The following SRRM4 variants were observed in gnomAD, a reference collection of about 807,000 sequenced individuals.
SRRM4 encodes serine/arginine repetitive matrix 4.
In SRRM4, 33 loss-of-function variants were observed where a neutral mutation model predicts 68.9. The ratio of observed to expected loss-of-function variants is 0.48; its 90% confidence interval spans 0.36 to 0.64. SRRM4 has a LOEUF of 0.64. SRRM4 is among the 30% of genes least tolerant of loss of function. The pLI is 0.00. For missense variants in SRRM4, 817 were observed against 827.1 expected (o/e 0.99, Z 0.15); for synonymous variants, 318 against 318.8 (o/e 1.00, Z 0.03).
rs1025970393 is a variant in SRRM4, at chr12:119,099,827, C to T, written c.132-2409C>T. 3.3e-5 allele frequency among the ~76,000 whole-genome samples: 5 copies of T among 152,268 alleles called. No homozygotes were observed. In the South Asian group the frequency reaches 1.0e-3, roughly 32 times the overall value. Reference sequence around the variant, plus strand: ...CTCTCCATATGGCTGCTTGAGTGTCCTCACAACATGGCTACCACCAGAATC... The same window carrying T: ...CTCTCCATATGGCTGCTTGAGTGTCTTCACAACATGGCTACCACCAGAATC... On this transcript the variant is annotated intron_variant, in intron 1 of 12. Transcript: ENST00000267260.
chr12:119,035,043 T>C (rs1451785330), intron 1 of SRRM4, among the ~76,000 whole-genome samples: 5 of 152,224 alleles, frequency 3.3e-5, no homozygotes, highest in African/African-American at 1.2e-4. Flanking sequence ...ATATGAACTA[T>C]ACAATCCTTT....
At chr12:119,084,306 T>G (rs1013292452) in intron 1 of SRRM4, among the ~76,000 whole-genome samples, 1 of 152,146 alleles carries the variant, frequency 6.6e-6, no homozygotes, top group Non-Finnish European at 1.5e-5. Flanking sequence ...AGGAGCTACC[T>G]CTTCTGGAAG....
intron 1 of SRRM4, among the ~76,000 whole-genome samples, chr12:119,076,707 C>T (rs1313397937): frequency 6.6e-6 from 1 of 152,192 alleles, no homozygotes; most frequent in Non-Finnish European, 1.5e-5. Context: ...TGCAAGAGTA[C>T]AGCTGGCGCT....
intron 1 of SRRM4, among the ~76,000 whole-genome samples, chr12:119,029,840 G>A (rs775683088): frequency 1.3e-5 from 2 of 152,180 alleles, no homozygotes; most frequent in African/African-American, 4.8e-5. Context: ...ACATGGCAGG[G>A]TCAGAGACAC....
intron 1 of SRRM4, among the ~76,000 whole-genome samples, chr12:118,983,599 G>A (rs1273183864): frequency 1.3e-5 from 2 of 152,138 alleles, no homozygotes; most frequent in African/African-American, 4.8e-5. Flanking sequence ...CCTTGTAGAA[G>A]GAACTAGAGG....
chr12:119,064,360 A>C (rs1435002608), intron 1 of SRRM4, among the ~76,000 whole-genome samples: 2 of 152,250 alleles, frequency 1.3e-5, no homozygotes, highest in Admixed American at 6.5e-5. Flanking sequence ...AAAGGAATGA[A>C]GTTGACACAC....
intron 2 of SRRM4, among the ~76,000 whole-genome samples, chr12:119,110,461 C>G (rs1401431119): frequency 1.3e-5 from 2 of 152,228 alleles, no homozygotes; most frequent in African/African-American, 4.8e-5. Flanking sequence ...CCTTGAGCTG[C>G]AGTAGGCTCC....
At chr12:119,048,832 G>A (rs141963065) in intron 1 of SRRM4, among the ~76,000 whole-genome samples, 4 of 152,170 alleles carry the variant, frequency 2.6e-5, no homozygotes, top group Non-Finnish European at 4.4e-5. Flanking sequence ...GCTGAGGCAG[G>A]AGAATCACTT....
At chr12:119,046,802 G>A (rs1374476293) in intron 1 of SRRM4, among the ~76,000 whole-genome samples, 5 of 152,216 alleles carry the variant, frequency 3.3e-5, no homozygotes, top group African/African-American at 1.2e-4. Context: ...TATTTCACAG[G>A]TGTAAGGAAG....
intron 2 of SRRM4, among the ~76,000 whole-genome samples, chr12:119,107,630 T>C (rs1815235215): frequency 6.6e-6 from 1 of 152,220 alleles, no homozygotes; most frequent in African/African-American, 2.4e-5. Flanking sequence ...TATTCTCTGA[T>C]GGTAGTTTGT....
intron 2 of SRRM4, among the ~76,000 whole-genome samples, chr12:119,113,046 A>C (rs866785048): frequency 6.6e-6 from 1 of 152,206 alleles, no homozygotes; most frequent in East Asian, 1.9e-4. Flanking sequence ...CAATAATATA[A>C]ATAGTCTCTC....
intron 1 of SRRM4, among the ~76,000 whole-genome samples, chr12:119,074,367 G>A (rs73211868): frequency 0.016 from 2,364 of 152,208 alleles, 29 homozygotes; most frequent in Middle Eastern, 0.027. Flanking sequence ...GAGGTTAAAC[G>A]GGGCAGAAGC....
chr12:119,028,258 C>G (rs974068605), intron 1 of SRRM4, among the ~76,000 whole-genome samples: 1 of 152,136 alleles, frequency 6.6e-6, no homozygotes, highest in Non-Finnish European at 1.5e-5. Flanking sequence ...TGAAAAGTGG[C>G]TTAGTATAGG....
Position 119,008,441 on chromosome 12 carries a change from T to C in SRRM4, c.131+26428T>C, listed in dbSNP as rs546435770. ...TTTTCTGATCTCTACTCTTATCTAA[T>C]GTTGTGTAACACCTAACCATGTTGG... On this transcript the variant is annotated intron_variant, in intron 1 of 12. Transcript: ENST00000267260. Among the ~76,000 whole-genome samples, 8 of 152,104 alleles carry C rather than the reference T, an allele frequency of 5.3e-5. No homozygotes were observed. In the South Asian group the frequency reaches 1.0e-3, roughly 20 times the overall value.
chr12:119,158,910 T>A lies in SRRM4; in HGVS notation c.*2112T>A, dbSNP rs2136072419. 6.6e-6 allele frequency: 1 copy of A among 152,444 alleles called. No homozygotes were observed. Among genetic ancestry groups the A allele is most frequent in the Non-Finnish European group, 1.5e-5 (1 of 68,074 alleles). 9.4% of individuals were successfully genotyped at this position (152,444 alleles called of 1,614,324 possible). A position where few individuals can be genotyped will look rare whatever the true frequency, so the allele number is the denominator to read the frequency against. The stretch of plus-strand genomic sequence containing the variant: ...TTTATTTATCTATTTATTTATTTGA[T>A]GACTGTCTCTCTTTCTCGCCATTAG... On this transcript the variant is annotated 3_prime_UTR_variant, in exon 13 of 13. Transcript: ENST00000267260.
In SRRM4 at chr12:119,158,964, G is replaced by GTTT. The variant is rs1174251452; in HGVS notation, c.*2168_*2170dup. 34 of 129,762 alleles carry GTTT rather than the reference G, an allele frequency of 2.6e-4. No homozygotes were observed. The highest frequency in any genetic ancestry group is 1.1e-3 in the South Asian group (4 of 3,782). 8.0% of individuals were successfully genotyped at this position (129,762 alleles called of 1,614,324 possible). On this transcript the variant is annotated 3_prime_UTR_variant, in exon 13 of 13. Coordinates refer to ENST00000267260, the MANE Select transcript of SRRM4 (RefSeq NM_194286.4). ...TATTGAATTATTTATTTATACAGAG[G>GTTT]TTTTGTGTGTGTGTGTGTGTGTGTG...
At chr12:119,111,479 G>T (rs1397916180) in intron 2 of SRRM4, among the ~76,000 whole-genome samples, 1 of 152,168 alleles carries the variant, frequency 6.6e-6, no homozygotes, top group Non-Finnish European at 1.5e-5. Flanking sequence ...GCTCTCCTGG[G>T]ACCCTGGGAT....
Position 119,130,791 on chromosome 12 carries a change from G to A in SRRM4, c.728G>A (p.Ser243Asn), listed in dbSNP as rs7297606. 131,533 of 1,608,182 alleles carry A rather than the reference G, an allele frequency of 0.082. 6,257 individuals are homozygous for A. Among genetic ancestry groups the A allele is most frequent in the African/African-American group, 0.18 (13,783 of 74,976 alleles). ...SPEAQSSRPP[S>N]QPLQMLGYLS... ...GAGGCCCAGTCCAGTCGCCCGCCCAGTCAACCCCTCCAGATGCTTGGCTAC... is the reference window on the plus strand; with the variant it reads ...GAGGCCCAGTCCAGTCGCCCGCCCAATCAACCCCTCCAGATGCTTGGCTAC... The change falls in exon 8 of 13, where the codon AGT (serine) becomes AAT (asparagine). Residue 243 changes from serine to asparagine, a missense_variant. Ser to Asn is a conservative substitution (Grantham distance 46, BLOSUM62 1). Transcript: ENST00000267260.
chr12:119,033,342 C>T (rs1442965082), intron 1 of SRRM4, among the ~76,000 whole-genome samples: 1 of 152,046 alleles, frequency 6.6e-6, no homozygotes, highest in Non-Finnish European at 1.5e-5. Context: ...GTTATTTCAC[C>T]CCTACACACC....
Sources: allele counts gnomAD v4.1 joint callset (sites outside exome capture counted in the v4.1 genomes callset), GRCh38; gene constraint gnomAD v4.1.1; transcripts MANE v1.5; gene names NCBI Gene and HGNC (gene_info 2026-07-23, HGNC 2026-07-21).